The following NAALADL2 variants were observed in gnomAD, a reference collection of about 807,000 sequenced individuals.
NAALADL2 encodes the protein inactive N-acetylated-alpha-linked acidic dipeptidase-like protein 2.
A neutral mutation model predicts 87.2 loss-of-function variants in NAALADL2; 76 were observed. That is an observed-to-expected ratio of 0.87 (90% CI 0.72 to 1.05). NAALADL2 has a LOEUF of 1.05. Ranked by LOEUF, NAALADL2 falls within the 50% of genes least tolerant of loss-of-function variation. NAALADL2 has a pLI of 0.00. For synonymous variants in NAALADL2, 354 were observed against 331.0 expected (o/e 1.07, Z -0.75); for missense variants, 1,089 against 945.8 (o/e 1.15, Z -1.99).
Position 175,337,445 on chromosome 3 carries a change from A to G in NAALADL2, c.1090+13120A>G, listed in dbSNP as rs538241147. Among the ~76,000 whole-genome samples, 5 of 152,304 alleles carry G rather than the reference A, an allele frequency of 3.3e-5. No homozygotes were observed. The South Asian group carries it at 6.2e-4, about 19-fold the overall frequency. ...TTAAAAGCCAATGAAGTTGAAATGA[A>G]GGCATTGGGGCATTTCCCAATCAAC... On this transcript the variant is annotated intron_variant, in intron 5 of 13. Coordinates refer to ENST00000454872, the MANE Select transcript of NAALADL2 (RefSeq NM_207015.3).
intron 11 of NAALADL2, among the ~76,000 whole-genome samples, chr3:175,734,498 A>G (rs1308106064): frequency 6.6e-6 from 1 of 152,066 alleles, no homozygotes; most frequent in Non-Finnish European, 1.5e-5. Flanking sequence ...CGGAGCTTGC[A>G]GTGAGCCAAG....
chr3:174,544,552 CT>C (rs967093746), intron 1 of NAALADL2, among the ~76,000 whole-genome samples: 22 of 142,190 alleles, frequency 1.5e-4, no homozygotes, highest in Admixed American at 9.3e-4. Flanking sequence ...TCTTTGTTTC[CT>C]TTTTTTTTGT....
rs1279097023 is a variant in NAALADL2 at position 175,806,721 on chromosome 3, C to T, written c.*3518C>T. 1.4e-5 allele frequency: 2 copies of T among 138,916 alleles called. No individual in the cohort carries two copies. Among genetic ancestry groups the T allele is most frequent in the African/African-American group, 5.4e-5 (2 of 37,248 alleles). The allele number at this position is 138,916 out of a possible 1,614,324, so 8.6% of individuals were successfully genotyped here. A position where few individuals can be genotyped will look rare whatever the true frequency, so the allele number is the denominator to read the frequency against. ...TTTTTTTTTTTTTTTTTTTAATTCC[C>T]ACAACAACCCATTTCAAAATGAGAA... On this transcript the variant is annotated 3_prime_UTR_variant, in exon 14 of 14. Transcript: ENST00000454872.
chr3:175,040,937 C>T (rs569568512), intron 1 of NAALADL2, among the ~76,000 whole-genome samples: 4 of 152,252 alleles, frequency 2.6e-5, no homozygotes, highest in African/African-American at 9.6e-5. Context: ...ACTGTAGACA[C>T]GGTGCTTGCA....
At chr3:174,582,902 G>T (rs894979343) in intron 2 of NAALADL2, among the ~76,000 whole-genome samples, 34 of 147,772 alleles carry the variant, frequency 2.3e-4, no homozygotes, top group African/African-American at 6.6e-4. Flanking sequence ...ATTTTTTTTT[G>T]ATACTTTTCA....
chr3:175,402,851 T>C (rs1220200983), intron 5 of NAALADL2, among the ~76,000 whole-genome samples: 1 of 152,146 alleles, frequency 6.6e-6, no homozygotes, highest in African/African-American at 2.4e-5. Flanking sequence ...CTTAGCACTA[T>C]GCTGTAAATG....
chr3:175,296,116 A>G (rs1756341475), intron 4 of NAALADL2, among the ~76,000 whole-genome samples: 3 of 35,058 alleles, frequency 8.6e-5, no homozygotes, highest in Admixed American at 8.2e-4. Context: ...CTCTGAAGAT[A>G]TAGTCCATAA....
chr3:174,535,442 A>T (rs1721636281), intron 1 of NAALADL2, among the ~76,000 whole-genome samples: 1 of 152,192 alleles, frequency 6.6e-6, no homozygotes, highest in Non-Finnish European at 1.5e-5. Context: ...GGGTTCCCTC[A>T]TTCTACTGTT....
At chr3:175,403,505 G>A (rs964217019) in intron 5 of NAALADL2, among the ~76,000 whole-genome samples, 1 of 152,026 alleles carries the variant, frequency 6.6e-6, no homozygotes, top group Admixed American at 6.6e-5. Context: ...AAAATAGATA[G>A]CTCAGTAAAG....
chr3:175,502,681 GTCTC>G (rs908087731), intron 9 of NAALADL2, among the ~76,000 whole-genome samples: 4 of 149,280 alleles, frequency 2.7e-5, no homozygotes, highest in African/African-American at 9.9e-5. Context: ...TATAATAAAT[GTCTC>G]TCTCTCTCTC....
chr3:175,125,019 C>T (rs1034567220), intron 2 of NAALADL2, among the ~76,000 whole-genome samples: 7 of 151,632 alleles, frequency 4.6e-5, no homozygotes, highest in African/African-American at 1.7e-4. Flanking sequence ...AGAAGTAGAT[C>T]GTATAGAGTA....
At chr3:175,050,713 A>C (rs535245628) in intron 1 of NAALADL2, among the ~76,000 whole-genome samples, 12 of 152,322 alleles carry the variant, frequency 7.9e-5, no homozygotes, top group African/African-American at 2.6e-4. Flanking sequence ...TAAATGTAAC[A>C]GATTAAGGTT....
intron 2 of NAALADL2, among the ~76,000 whole-genome samples, chr3:174,557,888 T>A: frequency 6.6e-6 from 1 of 151,646 alleles, no homozygotes; most frequent in African/African-American, 2.4e-5. Context: ...TCTAGCGGAG[T>A]CAAACAGGAA....
At chr3:175,132,014 C>T (rs1475709271) in intron 2 of NAALADL2, among the ~76,000 whole-genome samples, 10 of 131,000 alleles carry the variant, frequency 7.6e-5, no homozygotes, top group South Asian at 2.5e-4. Flanking sequence ...CCCCACCTCC[C>T]TCCCGGACGG....
chr3:175,635,643 A>G (rs1728423215), intron 11 of NAALADL2, among the ~76,000 whole-genome samples: 1 of 152,134 alleles, frequency 6.6e-6, no homozygotes, highest in Non-Finnish European at 1.5e-5. Context: ...TGAGTTTTGT[A>G]TGCTCTAAAT....
chr3:175,356,612 A>AATAATAATAATAAT (rs1367197145), intron 5 of NAALADL2, among the ~76,000 whole-genome samples: 1 of 98,994 alleles, frequency 1.0e-5, no homozygotes, highest in East Asian at 4.1e-4. Flanking sequence ...ATAATAATAA[A>AATAATAATAATAAT]GAAATAAAAG....
chr3:175,214,207 T>A (rs993077904), intron 2 of NAALADL2, among the ~76,000 whole-genome samples: 2 of 152,086 alleles, frequency 1.3e-5, no homozygotes, highest in East Asian at 3.9e-4. Context: ...TTTTACCTAA[T>A]AAATCAATGG....
intron 2 of NAALADL2, among the ~76,000 whole-genome samples, chr3:174,611,880 C>T (rs986532586): frequency 6.6e-6 from 1 of 152,030 alleles, no homozygotes; most frequent in African/African-American, 2.4e-5. Context: ...CAGGTGTGAG[C>T]CACTGCACCT....
At chr3:174,946,764 A>G (rs1266078260) in intron 1 of NAALADL2, among the ~76,000 whole-genome samples, 1 of 152,184 alleles carries the variant, frequency 6.6e-6, no homozygotes. Context: ...AGGAAGATCA[A>G]TTAGGAGTAT....
Sources: allele counts gnomAD v4.1 joint callset (sites outside exome capture counted in the v4.1 genomes callset), GRCh38; gene constraint gnomAD v4.1.1; transcripts MANE v1.5; gene names NCBI Gene and HGNC (gene_info 2026-07-23, HGNC 2026-07-21).